The following PPP2R2C variants were observed in gnomAD, a reference collection of about 807,000 sequenced individuals.
PPP2R2C encodes the protein protein phosphatase 2 regulatory subunit Bgamma, also known as protein phosphatase 2, regulatory subunit B, gamma.
A neutral mutation model predicts 45.3 loss-of-function variants in PPP2R2C; 10 were observed. The ratio of observed to expected loss-of-function variants is 0.22; its 90% CI spans 0.14 to 0.37. The LOEUF (loss-of-function observed/expected upper bound fraction) is 0.37. Ranked by LOEUF, PPP2R2C falls within the 10% of genes least tolerant of loss-of-function variation. The pLI is 1.00. For missense variants in PPP2R2C, 308 were observed against 619.7 expected (o/e 0.50, Z 5.34); for synonymous variants, 257 against 245.4 (o/e 1.05, Z -0.44).
intron 2 of PPP2R2C, among the ~76,000 whole-genome samples, chr4:6,519,062 A>G (rs565015892): frequency 3.9e-5 from 6 of 152,260 alleles, no homozygotes; most frequent in East Asian, 1.9e-4. Flanking sequence ...ACAAATATTT[A>G]AGGAAGAAAT....
intron 2 of PPP2R2C, among the ~76,000 whole-genome samples, chr4:6,505,888 C>T (rs544931998): frequency 6.6e-6 from 1 of 152,274 alleles, no homozygotes; most frequent in East Asian, 1.9e-4. Context: ...ATTGCTTGAA[C>T]CCAGGAGGTG....
At position 6,416,264 on chromosome 4, in the gene PPP2R2C, G is replaced by T. The variant is rs367755729; in HGVS notation, c.71-35170C>A. 4.0e-5 allele frequency among the ~76,000 whole-genome samples: 5 copies of T among 126,298 alleles called. No individual in the cohort carries two copies. In the Admixed American group the frequency reaches 4.1e-4, roughly 10 times the overall value. 82.9% of individuals were successfully genotyped at this position (126,298 alleles called of 152,430 possible). ...CTTAGGTGCACACAACCGCCCCCAC[G>T]ATGTGTGGTTTTCCCCATTTTACAA... On this transcript the variant is annotated intron_variant, in intron 1 of 8. Transcript: ENST00000382599.
intron 5 of PPP2R2C, among the ~76,000 whole-genome samples, chr4:6,359,505 G>A (rs1323906398): frequency 6.6e-6 from 1 of 151,818 alleles, no homozygotes; most frequent in Non-Finnish European, 1.5e-5. Flanking sequence ...AAAAGCACTT[G>A]AAATGTAGCT....
At chr4:6,413,196 C>A (rs140457110) in intron 1 of PPP2R2C, among the ~76,000 whole-genome samples, 1 of 152,096 alleles carries the variant, frequency 6.6e-6, no homozygotes, top group African/African-American at 2.4e-5. Context: ...TTCACACACA[C>A]GCCAATGTGC....
rs186798270 is a variant in PPP2R2C, at chr4:6,383,519, G to A, written c.71-2425C>T. The A allele has an allele frequency of 1.7e-4, 161 of 952,510 alleles. 1 individual carries two copies. The East Asian group carries it at 6.9e-3, about 41-fold the overall frequency. 59.0% of individuals were successfully genotyped at this position (952,510 alleles called of 1,614,324 possible). On this transcript the variant is annotated intron_variant, in intron 1 of 8. Transcript: ENST00000382599. Reference sequence around the variant, plus strand: ...CTGCTGTCCCAAGACCTGCTCTCTCGGCCTGCAGTGGCTTTCCCTGGGTAC... The same window carrying A: ...CTGCTGTCCCAAGACCTGCTCTCTCAGCCTGCAGTGGCTTTCCCTGGGTAC...
intron 6 of PPP2R2C, 28 bp downstream of exon 6, chr4:6,347,818 C>G (rs1360477896): frequency 2.0e-6 from 3 of 1,535,048 alleles, no homozygotes; most frequent in Non-Finnish European, 1.8e-6. Flanking sequence ...CAATGCACAG[C>G]CCCCCACCCC....
At position 6,452,166 on chromosome 4, in the gene PPP2R2C, G is replaced by A. The variant is rs1396695532; in HGVS notation, c.70+19994C>T. ...GGACAGGAAGCAGGAGGGACCAACT[G>A]CCTTCTGCTTGTCAAATGTTGCTGC... On this transcript the variant is annotated intron_variant, in intron 1 of 8. Coordinates refer to ENST00000382599, the MANE Select transcript of PPP2R2C (RefSeq NM_020416.4). Among the ~76,000 whole-genome samples, 4 of 152,254 alleles carry A rather than the reference G, an allele frequency of 2.6e-5. No individual in the cohort carries two copies. The East Asian group carries it at 7.7e-4, about 29-fold the overall frequency.
intron 1 of PPP2R2C, among the ~76,000 whole-genome samples, chr4:6,415,922 T>C (rs964563381): frequency 6.6e-6 from 1 of 152,146 alleles, no homozygotes; most frequent in Non-Finnish European, 1.5e-5. Context: ...TCCTAGAAGT[T>C]TCTCTCAACT....
At chr4:6,448,588 G>A (rs906645074) in intron 1 of PPP2R2C, among the ~76,000 whole-genome samples, 3 of 151,964 alleles carry the variant, frequency 2.0e-5, no homozygotes, top group African/African-American at 4.8e-5. Context: ...CTCTCCCTCC[G>A]TCTCAGGGCT....
At chr4:6,355,184 T>C (rs1713036372) in intron 5 of PPP2R2C, among the ~76,000 whole-genome samples, 2 of 148,844 alleles carry the variant, frequency 1.3e-5, no homozygotes, top group Non-Finnish European at 3.0e-5. Flanking sequence ...ACACAGTAGG[T>C]GTTTAGTAAG....
intron 2 of PPP2R2C, among the ~76,000 whole-genome samples, chr4:6,518,052 T>C (rs950648957): frequency 6.6e-6 from 1 of 152,166 alleles, no homozygotes; most frequent in African/African-American, 2.4e-5. Flanking sequence ...CACTTCTATA[T>C]AACACATGAC....
chr4:6,429,158 T>C (rs1719487561), intron 1 of PPP2R2C, among the ~76,000 whole-genome samples: 1 of 152,184 alleles, frequency 6.6e-6, no homozygotes, highest in South Asian at 2.1e-4. Flanking sequence ...AGACAGGCAC[T>C]GGGCCAAGTT....
At chr4:6,414,085 T>G in intron 1 of PPP2R2C, 1 of 986,966 alleles carries the variant, frequency 1.0e-6, no homozygotes, top group Non-Finnish European at 1.4e-6. Context: ...TATGTGTGTG[T>G]GTGTGTGTGT....
intron 1 of PPP2R2C, chr4:6,420,819 G>C (rs1318576370): frequency 1.9e-6 from 1 of 534,534 alleles, no homozygotes; most frequent in East Asian, 1.5e-4. Flanking sequence ...ATTTGACATG[G>C]AATGACGGCT....
chr4:6,513,333 T>C (rs1723729693), intron 2 of PPP2R2C, among the ~76,000 whole-genome samples: 1 of 152,182 alleles, frequency 6.6e-6, no homozygotes, highest in South Asian at 2.1e-4. Context: ...ACAGAGATGC[T>C]GTTTTCTTTT....
Position 6,323,541 on chromosome 4 carries a change from T to C in PPP2R2C, c.1105A>G (p.Thr369Ala), listed in dbSNP as rs1577063114. 1 of 1,589,868 alleles carries C rather than the reference T, an allele frequency of 6.3e-7. No individual in the cohort carries two copies. The highest frequency in any genetic ancestry group is 1.7e-5 in the Admixed American group (1 of 59,126). ...GCCTCCAGGGTCACGTCCCGCTTGG[T>C]GTTCCGATCGAACATGCGGAAGAAG... Reference protein sequence around the residue: ...NNFFRMFDRNTKRDVTLEASR... With the variant: ...NNFFRMFDRNAKRDVTLEASR... Residue 369 changes from threonine to alanine, a missense_variant, in exon 9 of 9, where the codon ACC (threonine) becomes GCC (alanine). Coordinates refer to ENST00000382599, the MANE Select transcript of PPP2R2C (RefSeq NM_020416.4).
chr4:6,541,610 G>A (rs192257698), intron 1 of PPP2R2C, among the ~76,000 whole-genome samples: 11 of 152,172 alleles, frequency 7.2e-5, no homozygotes, highest in African/African-American at 2.7e-4. Flanking sequence ...GCAGTGGCGC[G>A]ATCTCAGCTC....
chr4:6,503,589 CATAA>C (rs1293091489), intron 2 of PPP2R2C, among the ~76,000 whole-genome samples: 1 of 152,158 alleles, frequency 6.6e-6, no homozygotes, highest in East Asian at 1.9e-4. Flanking sequence ...TGGGAGACCC[CATAA>C]ATAACCAATT....
At chr4:6,485,304 C>G (rs1423965568) in intron 2 of PPP2R2C, among the ~76,000 whole-genome samples, 1 of 151,792 alleles carries the variant, frequency 6.6e-6, no homozygotes, top group Non-Finnish European at 1.5e-5. Flanking sequence ...ATTGAATTTG[C>G]TAATAATTTT....
Sources: allele counts gnomAD v4.1 joint callset (sites outside exome capture counted in the v4.1 genomes callset), GRCh38; gene constraint gnomAD v4.1.1; transcripts MANE v1.5; gene names NCBI Gene and HGNC (gene_info 2026-07-23, HGNC 2026-07-21).